CST8: variants seen among roughly 807,000 people sequenced by gnomAD.
The protein encoded by CST8 is cystatin-8.
In CST8, 20 loss-of-function variants were observed where a neutral mutation model predicts 11.8. The ratio of observed to expected loss-of-function variants is 1.70; its 90% CI spans 1.20 to 2.47. The LOEUF (loss-of-function observed/expected upper bound fraction) is 2.47. Among genes scored for constraint, CST8 ranks in the 30% most tolerant of loss-of-function variants. The pLI is 0.00. For synonymous variants in CST8, 77 were observed against 63.1 expected (o/e 1.22, Z -1.05); for missense variants, 196 against 167.2 (o/e 1.17, Z -0.95).
the CST8 span, among the ~76,000 whole-genome samples, chr20:23,506,668 A>C: frequency 6.6e-6 from 1 of 152,190 alleles, no homozygotes; most frequent in East Asian, 1.9e-4. Flanking sequence ...GATAATTTAC[A>C]AATCCTACAT....
chr20:23,491,559 C>T lies in CST8; in HGVS notation c.-109C>T, dbSNP rs180723051. 33 of 814,652 alleles carry T rather than the reference C, an allele frequency of 4.1e-5. No individual in the cohort carries two copies. The highest frequency in any genetic ancestry group is 6.5e-5 in the Non-Finnish European group (32 of 489,226). The allele number at this position is 814,652 out of a possible 1,614,324, so 50.5% of individuals were successfully genotyped here. A position where few individuals can be genotyped will look rare whatever the true frequency, so the allele number is the denominator to read the frequency against. On this transcript the variant is annotated 5_prime_UTR_variant, in exon 2 of 4. Coordinates refer to ENST00000246012, the MANE Select transcript of CST8 (RefSeq NM_005492.4). ...CGCTAACAGGAGGCAGTGTGTGGCT[C>T]GAAGATTCTTGAACCCACAGCAGCA...
At chr20:23,498,150 T>C (rs1390666648), downstream of CST8, among the ~76,000 whole-genome samples, 2 of 152,096 alleles carry the variant, frequency 1.3e-5, no homozygotes, top group Admixed American at 6.5e-5. Context: ...AACAGATGTG[T>C]CTAATAGAGA....
At chr20:23,499,634 T>G (rs1418051302), downstream of CST8, among the ~76,000 whole-genome samples, 1 of 152,146 alleles carries the variant, frequency 6.6e-6, no homozygotes, top group South Asian at 2.1e-4. Context: ...TCATGTGGTC[T>G]TGGATGCTGC....
chr20:23,506,474 G>C, the CST8 span, among the ~76,000 whole-genome samples: 4 of 152,100 alleles, frequency 2.6e-5, no homozygotes, highest in Non-Finnish European at 1.5e-5. Flanking sequence ...GGATTCCATG[G>C]TTATAGGATT....
chr20:23,493,131 C>A, intron 3 of CST8, 60 bp downstream of exon 3: 1 of 1,043,376 alleles, frequency 9.6e-7, no homozygotes, highest in Non-Finnish European at 1.5e-6. Flanking sequence ...AGAGAGAAAG[C>A]TGAGGCACGC....
chr20:23,498,875 C>G (rs1054975199), downstream of CST8, among the ~76,000 whole-genome samples: 28 of 152,198 alleles, frequency 1.8e-4, no homozygotes, highest in Non-Finnish European at 2.5e-4. Context: ...ACCCCAGACA[C>G]AGGAAGTCAT....
At chr20:23,505,582 T>C in the CST8 span, among the ~76,000 whole-genome samples, 1 of 152,250 alleles carries the variant, frequency 6.6e-6, no homozygotes, top group East Asian at 1.9e-4. Flanking sequence ...CAACCCACTA[T>C]TGAAGAATGA....
chr20:23,499,774 G>T (rs1988139140), downstream of CST8, among the ~76,000 whole-genome samples: 1 of 152,214 alleles, frequency 6.6e-6, no homozygotes, highest in Non-Finnish European at 1.5e-5. Flanking sequence ...ATTCAGCTGA[G>T]GACAATCTTG....
chr20:23,498,174 T>C (rs958873127), downstream of CST8, among the ~76,000 whole-genome samples: 2 of 152,136 alleles, frequency 1.3e-5, no homozygotes, highest in Non-Finnish European at 2.9e-5. Context: ...ATTTAATGGG[T>C]GGAGTTTCTG....
At chr20:23,492,591 C>A (rs1317998561) in intron 2 of CST8, among the ~76,000 whole-genome samples, 2 of 152,204 alleles carry the variant, frequency 1.3e-5, no homozygotes, top group Non-Finnish European at 2.9e-5. Flanking sequence ...CTGAGCATCT[C>A]AGGCCCAGGA....
At chr20:23,506,069 C>T in the CST8 span, among the ~76,000 whole-genome samples, 1 of 151,152 alleles carries the variant, frequency 6.6e-6, no homozygotes, top group Non-Finnish European at 1.5e-5. Context: ...TTAGTTGTTG[C>T]TGTAAGTAGA....
At chr20:23,502,570 G>A in the CST8 span, among the ~76,000 whole-genome samples, 9 of 152,196 alleles carry the variant, frequency 5.9e-5, no homozygotes, top group African/African-American at 2.2e-4. Flanking sequence ...ATAAGATGAT[G>A]CCTGCTGGGG....
downstream of CST8, among the ~76,000 whole-genome samples, chr20:23,497,432 A>C (rs146625288): frequency 6.6e-6 from 1 of 152,322 alleles, no homozygotes; most frequent in Non-Finnish European, 1.5e-5. Flanking sequence ...CTTCCTGTCT[A>C]AGAGTCCTGA....
chr20:23,491,454 T>C, intron 1 of CST8, 71 bp from the exon 2 acceptor site: 2 of 582,924 alleles, frequency 3.4e-6, no homozygotes, highest in Non-Finnish European at 6.1e-6. Context: ...CTGGCATTCC[T>C]GGGTGGGTTT....
the CST8 span, among the ~76,000 whole-genome samples, chr20:23,502,736 T>C: frequency 6.6e-6 from 1 of 152,264 alleles, no homozygotes; most frequent in Admixed American, 6.5e-5. Context: ...TGAAGCCCTA[T>C]TTCAGAATTG....
intron 3 of CST8, 28 bp downstream of exon 3, chr20:23,493,099 G>A (rs908434314): frequency 7.6e-6 from 10 of 1,320,042 alleles, no homozygotes; most frequent in Middle Eastern, 1.8e-4. Context: ...CATCTGTGAC[G>A]GCCTAGGCAG....
At position 23,491,807 on chromosome 20, in the gene CST8, A is replaced by C; in HGVS notation, c.140A>C (p.Gln47Pro). The change falls in exon 2 of 4, where the codon CAG (glutamine) becomes CCG (proline). Residue 47 changes from glutamine to proline, a missense_variant. By Grantham distance (76) the Gln-to-Pro change is moderately conservative (BLOSUM62 -1). Transcript: ENST00000246012. Reference protein sequence around the residue: ...PVNASNANVKQCLWFAMQEYN... With the variant: ...PVNASNANVKPCLWFAMQEYN... ...AATGCCTCAAATGCCAACGTGAAGCAGTGTCTGTGGTTTGCCATGCAAGAA... is the reference window on the plus strand; with the variant it reads ...AATGCCTCAAATGCCAACGTGAAGCCGTGTCTGTGGTTTGCCATGCAAGAA... 6.2e-7 allele frequency: 1 copy of C among 1,614,228 alleles called. No individual in the cohort carries two copies. The highest frequency in any genetic ancestry group is 8.5e-7 in the Non-Finnish European group (1 of 1,180,036).
chr20:23,495,747 C>A (rs1156412417), intron 3 of CST8, 84 bp from the exon 4 acceptor site: 5 of 1,069,428 alleles, frequency 4.7e-6, no homozygotes, highest in Non-Finnish European at 7.0e-6. Context: ...AAACTGACAC[C>A]TAGCAACAGG....
intron 1 of CST8, 66 bp downstream of exon 1, chr20:23,491,408 G>T (rs1380161038): frequency 3.8e-6 from 2 of 526,162 alleles, no homozygotes; most frequent in African/African-American, 3.8e-5. Flanking sequence ...ATTGCTCTCA[G>T]GGTAAGGAGG....
Sources: allele counts gnomAD v4.1 joint callset (sites outside exome capture counted in the v4.1 genomes callset), GRCh38; gene constraint gnomAD v4.1.1; transcripts MANE v1.5; gene names NCBI Gene and HGNC (gene_info 2026-07-23, HGNC 2026-07-21).